The following GCNT2 variants were observed in gnomAD, a reference collection of about 807,000 sequenced individuals.
GCNT2 encodes the protein N-acetyllactosaminide beta-1,6-N-acetylglucosaminyl-transferase.
Under a neutral mutation model 34.2 loss-of-function variants are expected in GCNT2, and 34 were observed. The observed-to-expected ratio is 1.00, with a 90% CI of 0.76 to 1.32. GCNT2 has a LOEUF of 1.32. Ranked by LOEUF, GCNT2 falls within the 40% of genes most tolerant of loss-of-function variation. GCNT2 has a pLI of 0.00. For missense variants in GCNT2, 584 were observed against 489.4 expected (o/e 1.19, Z -1.82); for synonymous variants, 212 against 188.0 (o/e 1.13, Z -1.04).
rs756794884 is a variant in GCNT2, at chr6:10,556,606, A to T, written c.925+26770A>T. ...ATGGAAAAACACGTTTCCTGTGGAA[A>T]AACAAACTAATGATCCATGAGAAGT... On this transcript the variant is annotated intron_variant, in intron 3 of 4. Coordinates refer to ENST00000495262, the MANE Select transcript of GCNT2 (RefSeq NM_145649.5). 12 of 1,614,090 alleles carry T rather than the reference A, an allele frequency of 7.4e-6. No individual in the cohort carries two copies. The Admixed American group carries it at 2.0e-4, about 27-fold the overall frequency.
chr6:10,540,598 C>T (rs1761997986), intron 3 of GCNT2, among the ~76,000 whole-genome samples: 1 of 152,046 alleles, frequency 6.6e-6, no homozygotes, highest in Admixed American at 6.6e-5. Context: ...TAATGATTGG[C>T]CCAGGACCTA....
chr6:10,528,870 C>G lies in GCNT2; in HGVS notation c.-42C>G, dbSNP rs1561776787. The G allele has an allele frequency of 7.1e-7, 1 of 1,412,258 alleles. No individual in the cohort carries two copies. The highest frequency in any genetic ancestry group is 1.7e-5 in the Admixed American group (1 of 59,804). 87.5% of individuals were successfully genotyped at this position (1,412,258 alleles called of 1,614,324 possible). A position where few individuals can be genotyped will look rare whatever the true frequency, so the allele number is the denominator to read the frequency against. ...AGTTAAATATATCTACACTCTGATC[C>G]TATCTCAAGAGAGAGATATTTTACT... On this transcript the variant is annotated 5_prime_UTR_variant, in exon 3 of 5. Coordinates refer to ENST00000495262, the MANE Select transcript of GCNT2 (RefSeq NM_145649.5).
At chr6:10,617,357 G>A (rs556456710) in intron 3 of GCNT2, among the ~76,000 whole-genome samples, 1 of 152,318 alleles carries the variant, frequency 6.6e-6, no homozygotes, top group African/African-American at 2.4e-5. Flanking sequence ...ACGCTGGCCG[G>A]CAAGCGCTGC....
At chr6:10,562,656 GAAAAAAAAA>G (rs57868433) in intron 3 of GCNT2, among the ~76,000 whole-genome samples, 5 of 77,524 alleles carry the variant, frequency 6.4e-5, no homozygotes, top group African/African-American at 1.7e-4. Context: ...GAACTTCTCT[GAAAAAAAAA>G]AAAAAAAAAA....
chr6:10,523,844 GCGC>G (rs1761046790), intron 1 of GCNT2, among the ~76,000 whole-genome samples: 2 of 151,546 alleles, frequency 1.3e-5, no homozygotes, highest in Non-Finnish European at 2.9e-5. Flanking sequence ...TTGGTGGTGG[GCGC>G]CTGTAGTCCC....
intron 3 of GCNT2, among the ~76,000 whole-genome samples, chr6:10,575,761 C>A (rs1460747925): frequency 6.6e-6 from 1 of 152,146 alleles, no homozygotes; most frequent in African/African-American, 2.4e-5. Context: ...GTGTAAATGG[C>A]CGGTCCTTGC....
intron 3 of GCNT2, chr6:10,587,004 ATAAATT>A: frequency 2.2e-6 from 2 of 914,546 alleles, no homozygotes; most frequent in Non-Finnish European, 1.8e-6. Flanking sequence ...TTATTATGAA[ATAAATT>A]TAAATACTTA....
chr6:10,597,960 G>T (rs900437834), intron 3 of GCNT2, among the ~76,000 whole-genome samples: 6 of 152,142 alleles, frequency 3.9e-5, no homozygotes, highest in African/African-American at 1.4e-4. Context: ...TGTAAGAGAG[G>T]CTAGTGACTT....
intron 3 of GCNT2, among the ~76,000 whole-genome samples, chr6:10,620,891 G>A (rs1766006178): frequency 6.6e-6 from 1 of 152,124 alleles, no homozygotes; most frequent in Admixed American, 6.6e-5. Flanking sequence ...CACAATTGAG[G>A]AGAGGGTGCT....
intron 3 of GCNT2, among the ~76,000 whole-genome samples, chr6:10,536,447 C>T (rs549354401): frequency 1.3e-5 from 2 of 151,960 alleles, no homozygotes; most frequent in East Asian, 1.9e-4. Context: ...GTTCTCCTCC[C>T]GGGTTCACGC....
intron 3 of GCNT2, among the ~76,000 whole-genome samples, chr6:10,584,543 T>C (rs1400114227): frequency 6.6e-6 from 1 of 152,084 alleles, no homozygotes; most frequent in African/African-American, 2.4e-5. Context: ...GTCTTTCCCT[T>C]CCCACGAGGC....
chr6:10,563,244 C>T (rs902977848), intron 3 of GCNT2, among the ~76,000 whole-genome samples: 1 of 152,174 alleles, frequency 6.6e-6, no homozygotes, highest in Admixed American at 6.5e-5. Context: ...GTGGATACAA[C>T]ATTAACCATT....
Position 10,528,754 on chromosome 6 carries a change from AGGACCAGAACC to A in GCNT2, c.-156_-146del, listed in dbSNP as rs1761319726. 2 of 668,920 alleles carry A rather than the reference AGGACCAGAACC, an allele frequency of 3.0e-6. No individual in the cohort carries two copies. Among genetic ancestry groups the A allele is most frequent in the Non-Finnish European group, 5.3e-6 (2 of 376,714 alleles). The allele number at this position is 668,920 out of a possible 1,614,324, so 41.4% of individuals were successfully genotyped here. On this transcript the variant is annotated 5_prime_UTR_variant, in exon 3 of 5. Transcript: ENST00000495262. ...GTGAAGAGGGGAAGAAGAAAGAAAA[AGGACCAGAACC>A]GTGAACTGAAGGGACAGGGAACAGC...
At chr6:10,594,447 G>T (rs1055169978) in intron 3 of GCNT2, among the ~76,000 whole-genome samples, 10 of 152,174 alleles carry the variant, frequency 6.6e-5, no homozygotes, top group Non-Finnish European at 1.0e-4. Flanking sequence ...GATATATTAT[G>T]GGCTCTGGAG....
intron 3 of GCNT2, chr6:10,556,647 A>G (rs1441007729): frequency 1.9e-6 from 3 of 1,614,142 alleles, no homozygotes; most frequent in African/African-American, 1.3e-5. Context: ...TGCAAGGAAT[A>G]CTTGACCCAG....
intron 3 of GCNT2, among the ~76,000 whole-genome samples, chr6:10,577,786 C>G (rs1049849146): frequency 6.6e-6 from 1 of 152,060 alleles, no homozygotes; most frequent in Non-Finnish European, 1.5e-5. Flanking sequence ...GGTGATCCAC[C>G]TGCCTCAGCC....
chr6:10,621,416 A>G lies in GCNT2; in HGVS notation c.991A>G (p.Met331Val), dbSNP rs377726790. ...CCTCAGAGCTATAAAGTGGAGTGAC[A>G]TGGAAGACAGACACGGAGGCTGCCA... is the stretch of plus-strand genomic sequence containing the variant. ...GNLRAIKWSD[M>V]EDRHGGCHGH... The change falls in exon 4 of 5, where the codon ATG becomes GTG. Residue 331 changes from methionine (M) to valine (V), a missense_variant. Transcript: ENST00000495262. 3.1e-6 allele frequency: 5 copies of G among 1,613,196 alleles called. No homozygotes were observed. Among genetic ancestry groups the G allele is most frequent in the Admixed American group, 3.3e-5 (2 of 59,998 alleles).
At chr6:10,577,065 G>A (rs1428970142) in intron 3 of GCNT2, among the ~76,000 whole-genome samples, 2 of 152,160 alleles carry the variant, frequency 1.3e-5, no homozygotes, top group African/African-American at 4.8e-5. Context: ...GTGATAGAGC[G>A]AGATCTCATC....
intron 3 of GCNT2, among the ~76,000 whole-genome samples, chr6:10,532,486 G>A (rs1236753418): frequency 2.0e-5 from 3 of 152,122 alleles, no homozygotes; most frequent in African/African-American, 7.2e-5. Flanking sequence ...CTGGAGTGCA[G>A]TGGCACAATC....
Sources: allele counts gnomAD v4.1 joint callset (sites outside exome capture counted in the v4.1 genomes callset), GRCh38; gene constraint gnomAD v4.1.1; transcripts MANE v1.5; gene names NCBI Gene and HGNC (gene_info 2026-07-23, HGNC 2026-07-21).